The following ZNF106 variants were observed in gnomAD, a reference collection of about 807,000 sequenced individuals.
ZNF106 encodes SH3-domain binding protein 3.
Under a neutral mutation model 195.1 loss-of-function variants are expected in ZNF106, and 67 were observed. The observed-to-expected ratio is 0.34, with a 90% CI of 0.28 to 0.42. The LOEUF is 0.42. Among genes scored for constraint, ZNF106 ranks in the 10% least tolerant of loss-of-function variants. The probability of loss-of-function intolerance (pLI) is 1.00; values close to 1 mark genes in which losing one functional copy is unlikely to be tolerated. For missense variants in ZNF106, 2,118 were observed against 2,304.5 expected, an observed-to-expected ratio of 0.92 and a Z score of 1.66; for synonymous variants, 784 against 818.6, an observed-to-expected ratio of 0.96 and a Z score of 0.72.
At chr15:42,479,202 C>T (rs373496200) in intron 1 of ZNF106, among the ~76,000 whole-genome samples, 1 of 151,740 alleles carries the variant, frequency 6.6e-6, no homozygotes, top group Admixed American at 6.6e-5. Flanking sequence ...GGTGAAACCC[C>T]GTCTCTACTA....
At chr15:42,449,706 T>A in intron 5 of ZNF106, 65 bp downstream of exon 5, 1 of 1,523,168 alleles carries the variant, frequency 6.6e-7, no homozygotes, top group East Asian at 2.3e-5. Flanking sequence ...ATTCTCTTGA[T>A]CAGGGTCAAA....
chr15:42,467,723 G>A (rs1484255503), intron 2 of ZNF106, among the ~76,000 whole-genome samples: 2 of 152,078 alleles, frequency 1.3e-5, no homozygotes, highest in African/African-American at 2.4e-5. Flanking sequence ...CAGGAGAATC[G>A]CTTGAACCTG....
At position 42,416,498 on chromosome 15, in the gene ZNF106, C is replaced by A. The variant is rs1443446069; in HGVS notation, c.*806G>T. ...AGAAAGGAAGATAAAGGTACACCTC[C>A]AGTTCAACAGCCTGACAGGATCTGT... On this transcript the variant is annotated 3_prime_UTR_variant, in exon 22 of 22. Coordinates refer to ENST00000564754, the MANE Select transcript of ZNF106 (RefSeq NM_001366845.3). 1 of 152,316 alleles carries A rather than the reference C, an allele frequency of 6.6e-6. No homozygotes were observed. Among genetic ancestry groups the A allele is most frequent in the African/African-American group, 2.4e-5 (1 of 41,456 alleles). The allele number at this position is 152,316 out of a possible 1,614,324, so 9.4% of individuals were successfully genotyped here.
chr15:42,462,533 G>A (rs2056416714), intron 3 of ZNF106, among the ~76,000 whole-genome samples: 1 of 151,408 alleles, frequency 6.6e-6, no homozygotes, highest in African/African-American at 2.4e-5. Flanking sequence ...GGGAGGCAGA[G>A]GTTGCAGTGA....
At chr15:42,472,151 CTATTAA>C (rs2056685039) in intron 2 of ZNF106, 79 bp downstream of exon 2, 1 of 1,238,384 alleles carries the variant, frequency 8.1e-7, no homozygotes, top group East Asian at 2.6e-5. Context: ...TAACATATGT[CTATTAA>C]TATTAATAAC....
chr15:42,470,499 C>A (rs992721031), intron 2 of ZNF106, among the ~76,000 whole-genome samples: 1 of 151,930 alleles, frequency 6.6e-6, no homozygotes, highest in Admixed American at 6.6e-5. Context: ...AAACTACAAC[C>A]AGCTTTTCCT....
At chr15:42,418,080 T>C in intron 20 of ZNF106, 129 bp from the exon 21 acceptor site, 2 of 1,055,516 alleles carry the variant, frequency 1.9e-6, no homozygotes, top group South Asian at 2.3e-5. Flanking sequence ...AATTTATTCT[T>C]GGCTAGAAAA....
At chr15:42,435,741 A>G (rs960381744) in intron 13 of ZNF106, among the ~76,000 whole-genome samples, 1 of 152,182 alleles carries the variant, frequency 6.6e-6, no homozygotes, top group Non-Finnish European at 1.5e-5. Context: ...TAGTTGAGCC[A>G]TACCAGAAAA....
chr15:42,439,873 G>T, intron 10 of ZNF106, 60 bp from the exon 11 acceptor site: 1 of 1,443,900 alleles, frequency 6.9e-7, no homozygotes, highest in South Asian at 1.4e-5. Flanking sequence ...ATTTATCACT[G>T]ACTGAAACTC....
At chr15:42,462,760 T>C (rs999345079) in intron 3 of ZNF106, among the ~76,000 whole-genome samples, 1 of 152,126 alleles carries the variant, frequency 6.6e-6, no homozygotes, top group Non-Finnish European at 1.5e-5. Flanking sequence ...TGATTCTGTA[T>C]TGATTATAAA....
chr15:42,472,737 T>C (rs888746517), intron 1 of ZNF106, among the ~76,000 whole-genome samples: 1 of 152,106 alleles, frequency 6.6e-6, no homozygotes, highest in East Asian at 1.9e-4. Context: ...AATGGACAGG[T>C]GCAGGGGCTC....
intron 11 of ZNF106, 115 bp downstream of exon 11, chr15:42,438,918 C>T: frequency 1.7e-6 from 2 of 1,207,542 alleles, no homozygotes; most frequent in Non-Finnish European, 2.3e-6. Context: ...ACAATCTCTA[C>T]TGCATTCACA....
At chr15:42,437,120 G>T in intron 13 of ZNF106, 112 bp downstream of exon 13, 1 of 1,154,488 alleles carries the variant, frequency 8.7e-7, no homozygotes, top group Non-Finnish European at 1.2e-6. Flanking sequence ...TCAATCTCAG[G>T]CCCACCCCTT....
chr15:42,441,703 AG>A (rs2055541715), intron 10 of ZNF106: 1 of 162,418 alleles, frequency 6.2e-6, no homozygotes, highest in Admixed American at 6.1e-5. Context: ...GAGATTATAT[AG>A]ACAGTAAGTG....
At chr15:42,475,425 C>CA (rs2056765218) in intron 1 of ZNF106, among the ~76,000 whole-genome samples, 1 of 152,058 alleles carries the variant, frequency 6.6e-6, no homozygotes. Flanking sequence ...CTGGGCGACA[C>CA]AGCGAGACTC....
At chr15:42,426,838 C>G (rs1471960942) in intron 15 of ZNF106, among the ~76,000 whole-genome samples, 1 of 152,214 alleles carries the variant, frequency 6.6e-6, no homozygotes, top group African/African-American at 2.4e-5. Flanking sequence ...AGACTTAGAA[C>G]TTGTCTGCAT....
chr15:42,436,231 G>C (rs1283805238), intron 13 of ZNF106, among the ~76,000 whole-genome samples: 1 of 152,134 alleles, frequency 6.6e-6, no homozygotes, highest in East Asian at 1.9e-4. Flanking sequence ...GGGATTATAG[G>C]TGTGAGCCAC....
At chr15:42,440,489 AATC>A (rs1480019571) in intron 10 of ZNF106, among the ~76,000 whole-genome samples, 3 of 152,188 alleles carry the variant, frequency 2.0e-5, no homozygotes, top group Non-Finnish European at 2.9e-5. Flanking sequence ...ACAACAGAAA[AATC>A]ATTATATATT....
chr15:42,463,816 T>G (rs931177427), intron 3 of ZNF106, among the ~76,000 whole-genome samples: 1 of 151,910 alleles, frequency 6.6e-6, no homozygotes, highest in East Asian at 1.9e-4. Flanking sequence ...AAAGTATATA[T>G]TAAAAATAAT....
Sources: allele counts gnomAD v4.1 joint callset (sites outside exome capture counted in the v4.1 genomes callset), GRCh38; gene constraint gnomAD v4.1.1; transcripts MANE v1.5; gene names NCBI Gene and HGNC (gene_info 2026-07-23, HGNC 2026-07-21).